OPHN1: variants seen among roughly 807,000 people sequenced by gnomAD.
OPHN1 encodes oligophrenin 1.
Under a neutral mutation model 60.7 loss-of-function variants are expected in OPHN1, and 11 were observed. That is an observed-to-expected ratio of 0.18 (90% CI 0.11 to 0.30). OPHN1 has a LOEUF of 0.30. Among genes scored for constraint, OPHN1 ranks in the 10% least tolerant of loss-of-function variants. The pLI is 1.00. For missense variants in OPHN1, 449 were observed against 611.0 expected, an observed-to-expected ratio of 0.73 and a Z score of 2.80; for synonymous variants, 226 against 222.6, an observed-to-expected ratio of 1.02 and a Z score of -0.14.
intron 2 of OPHN1, among the ~76,000 whole-genome samples, chrX:68,313,174 T>C (rs1035626067): frequency 9.0e-6 from 1 of 111,657 alleles, no homozygotes; most frequent in African/African-American, 3.3e-5. Context: ...CAATAATAAA[T>C]GCTGGCGAGT....
chrX:68,226,031 T>C (rs1349199473), intron 6 of OPHN1, among the ~76,000 whole-genome samples: 2 of 111,430 alleles, frequency 1.8e-5, no homozygotes, highest in African/African-American at 6.5e-5. Flanking sequence ...AGAGAAGACC[T>C]TAAATGACCT....
chrX:68,189,923 T>C (rs1338844702), intron 15 of OPHN1, among the ~76,000 whole-genome samples: 13 of 109,486 alleles, frequency 1.2e-4, no homozygotes, highest in African/African-American at 4.0e-4. Context: ...GAGGGTTGTT[T>C]AGGTAAAAAA....
intron 19 of OPHN1, among the ~76,000 whole-genome samples, chrX:68,076,119 CAAT>C (rs1448015864): frequency 1.8e-5 from 2 of 110,187 alleles, no homozygotes; most frequent in African/African-American, 3.3e-5. Flanking sequence ...CTCAATAACT[CAAT>C]AATAAGAAAA....
chrX:68,207,751 C>T (rs1452230139), intron 9 of OPHN1, among the ~76,000 whole-genome samples: 5 of 111,609 alleles, frequency 4.5e-5, no homozygotes, highest in Non-Finnish European at 9.4e-5. Flanking sequence ...CTCTATGTTC[C>T]TGTCTCAATG....
In OPHN1 at chrX:68,205,546, C is replaced by T. The variant is rs766214587; in HGVS notation, c.933+1027G>A. Among the ~76,000 whole-genome samples the T allele has an allele frequency of 2.7e-5, 3 of 111,758 alleles. No individual in the cohort carries two copies. The East Asian group carries it at 8.4e-4, about 31-fold the overall frequency. ...ATCTTTTACAAGTCCATCCCATCAC[C>T]AAAGCACATTAAAGCAGGGAGCTAA... On this transcript the variant is annotated intron_variant, in intron 10 of 24. Coordinates refer to ENST00000355520, the MANE Select transcript of OPHN1 (RefSeq NM_002547.3).
chrX:68,202,079 G>A (rs951312361), intron 10 of OPHN1, among the ~76,000 whole-genome samples: 6 of 111,501 alleles, frequency 5.4e-5, no homozygotes, highest in African/African-American at 2.0e-4. Flanking sequence ...TCTGGGGAGG[G>A]AAATTGTGAC....
chrX:68,101,843 G>A (rs1272722650), intron 18 of OPHN1, among the ~76,000 whole-genome samples: 1 of 112,281 alleles, frequency 8.9e-6, no homozygotes, highest in Non-Finnish European at 1.9e-5. Context: ...ATGTGATGCA[G>A]CATATGGTGT....
chrX:68,351,149 G>A (rs1405088332), intron 2 of OPHN1, among the ~76,000 whole-genome samples: 3 of 110,576 alleles, frequency 2.7e-5, no homozygotes, highest in Non-Finnish European at 5.7e-5. Flanking sequence ...GGCTGGTCTC[G>A]AACTCCTGGC....
chrX:68,165,817 C>G (rs1360555614), intron 15 of OPHN1, among the ~76,000 whole-genome samples: 2 of 111,652 alleles, frequency 1.8e-5, no homozygotes, highest in Non-Finnish European at 3.8e-5. Context: ...GTGAAGTATG[C>G]CTATATAGAG....
chrX:68,262,852 G>C (rs2077901339), intron 5 of OPHN1, among the ~76,000 whole-genome samples: 1 of 110,231 alleles, frequency 9.1e-6, no homozygotes, highest in African/African-American at 3.3e-5. Context: ...GACAGGACAG[G>C]ACAGGACAGG....
chrX:68,367,899 G>A (rs2078507673), intron 2 of OPHN1, among the ~76,000 whole-genome samples: 1 of 111,761 alleles, frequency 8.9e-6, no homozygotes, highest in Admixed American at 9.6e-5. Flanking sequence ...CCCCAGCCAT[G>A]CAGAACTGTG....
At chrX:68,115,604 T>C (rs1268204391) in intron 16 of OPHN1, among the ~76,000 whole-genome samples, 1 of 112,249 alleles carries the variant, frequency 8.9e-6, no homozygotes, top group African/African-American at 3.2e-5. Context: ...CTGTGCTTTG[T>C]GTGCAGCATT....
chrX:68,349,944 G>A (rs1431588122), intron 2 of OPHN1, among the ~76,000 whole-genome samples: 1 of 111,136 alleles, frequency 9.0e-6, no homozygotes, highest in Non-Finnish European at 1.9e-5. Flanking sequence ...AACATTAGGA[G>A]AAATACCTAA....
In OPHN1 at chrX:68,113,348, G is replaced by A. The variant is rs957178445; in HGVS notation, c.1362-109C>T. On this transcript the variant is annotated intron_variant, in intron 16 of 24. Coordinates refer to ENST00000355520, the MANE Select transcript of OPHN1 (RefSeq NM_002547.3). ...AGTTCCTGAGCCCTACAGCTTAGTG[G>A]GATTATATACATTTTTCTCTTCACC... 3 of 592,888 alleles carry A rather than the reference G, an allele frequency of 5.1e-6. No individual in the cohort carries two copies. The African/African-American group carries it at 6.8e-5, about 13-fold the overall frequency. The allele number at this position is 592,888 out of a possible 1,213,427, so 48.9% of individuals were successfully genotyped here.
intron 15 of OPHN1, among the ~76,000 whole-genome samples, chrX:68,121,972 C>T (rs6653248): frequency 0.061 from 6,618 of 108,438 alleles, 520 homozygotes; most frequent in African/African-American, 0.21. Context: ...TGGCAGGACC[C>T]ATCACATGCT....
intron 2 of OPHN1, among the ~76,000 whole-genome samples, chrX:68,354,686 C>T (rs1413546963): frequency 6.0e-5 from 6 of 99,942 alleles, no homozygotes; most frequent in Non-Finnish European, 1.2e-4. Flanking sequence ...ACCCAGGAGG[C>T]GGAGGTTGCA....
intron 2 of OPHN1, among the ~76,000 whole-genome samples, chrX:68,330,021 G>C (rs1169845240): frequency 9.0e-6 from 1 of 111,462 alleles, no homozygotes; most frequent in Non-Finnish European, 1.9e-5. Context: ...TGTATTACCT[G>C]TCATTCACAT....
intron 23 of OPHN1, among the ~76,000 whole-genome samples, chrX:68,050,090 T>C (rs766487663): frequency 2.7e-5 from 3 of 111,869 alleles, no homozygotes; most frequent in South Asian, 3.8e-4. Flanking sequence ...ACAATGACCA[T>C]AGACGGGACT....
intron 11 of OPHN1, among the ~76,000 whole-genome samples, chrX:68,199,823 G>C (rs953902064): frequency 8.9e-6 from 1 of 112,877 alleles, no homozygotes; most frequent in Non-Finnish European, 1.9e-5. Context: ...CACTCTGGGA[G>C]GCCGAGGCAG....
Sources: gnomAD v4.1 joint callset for allele counts (sites outside exome capture counted in the v4.1 genomes callset) on GRCh38, gnomAD v4.1.1 for gene constraint, MANE v1.5 for transcripts, NCBI Gene and HGNC (gene_info 2026-07-23, HGNC 2026-07-21) for gene names.